The following MBOAT2 variants were observed in gnomAD, a reference collection of about 807,000 sequenced individuals.
MBOAT2 encodes membrane bound glycerophospholipid O-acyltransferase 2, also known as membrane-bound glycerophospholipid O-acyltransferase 2.
Under a neutral mutation model 63.4 loss-of-function variants are expected in MBOAT2, and 28 were observed. That is an observed-to-expected ratio of 0.44 (90% CI 0.33 to 0.61). The LOEUF is 0.61. MBOAT2 is among the 20% of genes least tolerant of loss of function. The pLI, the probability that MBOAT2 is intolerant of heterozygous loss-of-function variation, is 0.03. For missense variants in MBOAT2, 470 were observed against 605.8 expected, an observed-to-expected ratio of 0.78 and a Z score of 2.35; for synonymous variants, 211 against 215.6, an observed-to-expected ratio of 0.98 and a Z score of 0.19.
At chr2:8,919,587 T>C (rs976664760) in intron 3 of MBOAT2, among the ~76,000 whole-genome samples, 23 of 152,182 alleles carry the variant, frequency 1.5e-4, no homozygotes, top group African/African-American at 5.5e-4. Flanking sequence ...TTAGTATTGA[T>C]TGTACGAGTT....
Position 8,862,270 on chromosome 2 carries a change from C to A in MBOAT2, c.1185+320G>T. The A allele has an allele frequency of 7.7e-7, 1 of 1,295,314 alleles. No homozygotes were observed. Among genetic ancestry groups the A allele is most frequent in the Non-Finnish European group, 1.0e-6 (1 of 993,464 alleles). The allele number at this position is 1,295,314 out of a possible 1,614,324, so 80.2% of individuals were successfully genotyped here. On this transcript the variant is annotated intron_variant, in intron 11 of 12. Coordinates refer to ENST00000305997, the MANE Select transcript of MBOAT2 (RefSeq NM_138799.4). The surrounding 1 kb of genome is among the most constrained non-coding windows in gnomAD (Gnocchi z 4.3). ...AGGAAACATTTCTAAAATAAACCTA[C>A]CCATTCTGATCATCTTTATTTAACT...
At chr2:8,931,407 T>C (rs1265076680) in intron 3 of MBOAT2, among the ~76,000 whole-genome samples, 1 of 152,164 alleles carries the variant, frequency 6.6e-6, no homozygotes, top group Non-Finnish European at 1.5e-5. Context: ...CTCAGGAGGT[T>C]CATGTCCTTT....
intron 4 of MBOAT2, among the ~76,000 whole-genome samples, chr2:8,906,877 T>C (rs1403458479): frequency 1.3e-5 from 2 of 152,216 alleles, no homozygotes; most frequent in African/African-American, 4.8e-5. Context: ...TAATGAAATA[T>C]ACGGAATCCC....
intron 3 of MBOAT2, among the ~76,000 whole-genome samples, chr2:8,934,513 G>C (rs1422084051): frequency 2.0e-5 from 3 of 152,144 alleles, no homozygotes; most frequent in Non-Finnish European, 2.9e-5. Context: ...TTATCACAGT[G>C]ACTGACACAT....
intron 3 of MBOAT2, among the ~76,000 whole-genome samples, chr2:8,909,024 TTCC>T (rs1665522701): frequency 6.6e-6 from 1 of 152,202 alleles, no homozygotes; most frequent in Non-Finnish European, 1.5e-5. Flanking sequence ...GTTCCATTTA[TTCC>T]TCCTTTCTAG....
At position 8,903,114 on chromosome 2, in the gene MBOAT2, C is replaced by T. The variant is rs1558595846; in HGVS notation, c.395+5507G>A. Among the ~76,000 whole-genome samples, 4 of 152,244 alleles carry T rather than the reference C, an allele frequency of 2.6e-5. No homozygotes were observed. In the South Asian group the frequency reaches 8.3e-4, roughly 32 times the overall value. ...AAGTCCCCACCCGATTAGCTAGACACAGAGCGCTGACTGGTGCATTTACAA... is the reference window on the plus strand; with the variant it reads ...AAGTCCCCACCCGATTAGCTAGACATAGAGCGCTGACTGGTGCATTTACAA... On this transcript the variant is annotated intron_variant, in intron 4 of 12. Coordinates refer to ENST00000305997, the MANE Select transcript of MBOAT2 (RefSeq NM_138799.4).
intron 3 of MBOAT2, among the ~76,000 whole-genome samples, chr2:8,912,373 G>GAAAGAAAGAA (rs67420836): frequency 4.7e-5 from 4 of 84,358 alleles, no homozygotes; most frequent in African/African-American, 1.4e-4. Context: ...AAGAAAGAAA[G>GAAAGAAAGAA]AGAAAGAAAG....
At chr2:8,863,985 A>G (rs951361559) in intron 10 of MBOAT2, among the ~76,000 whole-genome samples, 185 bp downstream of exon 10, 1 of 152,218 alleles carries the variant, frequency 6.6e-6, no homozygotes, top group African/African-American at 2.4e-5. Flanking sequence ...TCGTGACTCA[A>G]GCCAAAATAG....
At chr2:8,888,731 T>C (rs1167071070) in intron 4 of MBOAT2, among the ~76,000 whole-genome samples, 1 of 152,058 alleles carries the variant, frequency 6.6e-6, no homozygotes, top group Middle Eastern at 3.2e-3. Flanking sequence ...ACAGACAGTA[T>C]TAAAAAACAG....
chr2:8,916,945 C>T (rs1179319034), intron 3 of MBOAT2, among the ~76,000 whole-genome samples: 3 of 152,054 alleles, frequency 2.0e-5, no homozygotes, highest in African/African-American at 7.2e-5. Flanking sequence ...ATGACACTGG[C>T]CTAAGGTCAG....
intron 1 of MBOAT2, among the ~76,000 whole-genome samples, chr2:8,974,808 A>T (rs1391363061): frequency 6.6e-6 from 1 of 152,170 alleles, no homozygotes; most frequent in Non-Finnish European, 1.5e-5. Context: ...TCATCTCCCT[A>T]TACTGAATCT....
At chr2:8,946,225 C>T (rs1212997921) in intron 2 of MBOAT2, among the ~76,000 whole-genome samples, 1 of 152,144 alleles carries the variant, frequency 6.6e-6, no homozygotes, top group Non-Finnish European at 1.5e-5. Flanking sequence ...GAAAGTGAAG[C>T]TCAGAGTGGC....
chr2:8,947,929 C>T (rs1668537805), intron 2 of MBOAT2, among the ~76,000 whole-genome samples: 1 of 152,158 alleles, frequency 6.6e-6, no homozygotes, highest in Non-Finnish European at 1.5e-5. Context: ...TTTCGTAGGG[C>T]TATAGCTGCC....
intron 12 of MBOAT2, among the ~76,000 whole-genome samples, chr2:8,860,123 G>C (rs557576673): frequency 5.0e-4 from 76 of 152,098 alleles, no homozygotes; most frequent in Admixed American, 1.3e-3. Flanking sequence ...GGAGGCAGAG[G>C]TTGCAGTGAG....
At position 9,003,083 on chromosome 2, in the gene MBOAT2, C is replaced by T. The variant is rs1672821278; in HGVS notation, c.75+457G>A. On this transcript the variant is annotated intron_variant, in intron 1 of 12. Coordinates refer to ENST00000305997, the MANE Select transcript of MBOAT2 (RefSeq NM_138799.4). The surrounding 1 kb of genome is among the most constrained non-coding windows in gnomAD (Gnocchi z 5.4). ...ACCCAGACCCATGCATCAGCCTCTCCGGGGGTCGCTCAGAGGCGCGCGCGG... is the reference window on the plus strand; with the variant it reads ...ACCCAGACCCATGCATCAGCCTCTCTGGGGGTCGCTCAGAGGCGCGCGCGG... 6.6e-6 allele frequency among the ~76,000 whole-genome samples: 1 copy of T among 152,138 alleles called. No homozygotes were observed. Among genetic ancestry groups the T allele is most frequent in the Admixed American group, 6.5e-5 (1 of 15,278 alleles).
At chr2:8,874,163 G>A (rs767151954) in intron 7 of MBOAT2, among the ~76,000 whole-genome samples, 1 of 152,164 alleles carries the variant, frequency 6.6e-6, no homozygotes, top group Non-Finnish European at 1.5e-5. Flanking sequence ...TTATATAATA[G>A]TGCCAGAAGA....
At chr2:8,880,523 T>C (rs1469084163) in intron 6 of MBOAT2, among the ~76,000 whole-genome samples, 4 of 152,188 alleles carry the variant, frequency 2.6e-5, no homozygotes, top group African/African-American at 9.6e-5. Context: ...GTTGGATAAA[T>C]GAGGCTGGAG....
Position 8,958,527 on chromosome 2 carries a change from C to T in MBOAT2, c.191G>A (p.Gly64Asp). 1.2e-6 allele frequency: 2 copies of T among 1,603,612 alleles called. No homozygotes were observed. Among genetic ancestry groups the T allele is most frequent in the Non-Finnish European group, 1.7e-6 (2 of 1,177,262 alleles). ...FIRHVVATLL[G>D]LYLALFCFGW... is the part of the protein sequence containing the mutation. ...AAAGCAAAAAAGTGCAAGATAAAGG[C>T]CCAAAAGGGTAGCAACTACATGTCT... Residue 64 changes from glycine to aspartate, a missense_variant, in exon 2 of 13, where the codon GGC becomes GAC. Gly to Asp is a moderately conservative substitution (Grantham distance 94, BLOSUM62 -1). Coordinates refer to ENST00000305997, the MANE Select transcript of MBOAT2 (RefSeq NM_138799.4).
At chr2:8,904,593 G>C (rs1665198627) in intron 4 of MBOAT2, among the ~76,000 whole-genome samples, 1 of 152,138 alleles carries the variant, frequency 6.6e-6, no homozygotes, top group Non-Finnish European at 1.5e-5. Context: ...TTACAGGTGT[G>C]AGCCACTGCA....
Sources: gnomAD v4.1 joint callset for allele counts (sites outside exome capture counted in the v4.1 genomes callset) on GRCh38, gnomAD v4.1.1 for gene constraint, Gnocchi (gnomAD v3.1) non-coding constraint, MANE v1.5 for transcripts, NCBI Gene and HGNC (gene_info 2026-07-23, HGNC 2026-07-21) for gene names.